The following CCDC102B variants were observed in gnomAD, a reference collection of about 807,000 sequenced individuals.
CCDC102B encodes coiled-coil domain containing 102B, also known as coiled-coil domain-containing protein 102B.
A neutral mutation model predicts 57.4 loss-of-function variants in CCDC102B; 75 were observed. That is an observed-to-expected ratio of 1.31 (90% CI 1.08 to 1.58). The LOEUF is 1.58. Ranked by LOEUF, CCDC102B falls within the 40% of genes most tolerant of loss-of-function variation. The probability of loss-of-function intolerance (pLI) is 0.00; values close to 1 mark genes in which losing one functional copy is unlikely to be tolerated. For missense variants in CCDC102B, 636 were observed against 582.6 expected (o/e 1.09, Z -0.94); for synonymous variants, 206 against 201.9 (o/e 1.02, Z -0.17).
rs879546588 is a variant in CCDC102B, at chr18:68,785,809, C to T, written c.-66-37557C>T. Among the ~76,000 whole-genome samples, 808 of 151,662 alleles carry T rather than the reference C, an allele frequency of 5.3e-3. 25 individuals are homozygous for T. The highest frequency in any genetic ancestry group is 0.041 in the Admixed American group (624 of 15,248). ...TTCACTCTGATGGTAGTTTCTTTTG[C>T]TGTGCAGAAGTTCTTTAGTTTAATT... On this transcript the variant is annotated intron_variant, in intron 2 of 3. Transcript: ENST00000578970.
chr18:68,842,920 AGAG>A (rs1311332541), intron 3 of CCDC102B, among the ~76,000 whole-genome samples: 1 of 152,178 alleles, frequency 6.6e-6, no homozygotes, highest in African/African-American at 2.4e-5. Context: ...GGCAACAGAC[AGAG>A]GAGGTTACAG....
intron 7 of CCDC102B, among the ~76,000 whole-genome samples, chr18:69,030,097 A>T (rs2052098960): frequency 6.6e-6 from 1 of 152,150 alleles, no homozygotes; most frequent in Admixed American, 6.5e-5. Flanking sequence ...TAGGTACCTC[A>T]CACTTCTTTG....
At chr18:68,835,135 A>G (rs1446501325) in intron 1 of CCDC102B, among the ~76,000 whole-genome samples, 2 of 152,116 alleles carry the variant, frequency 1.3e-5, no homozygotes, top group African/African-American at 4.8e-5. Flanking sequence ...CCTAAATTAA[A>G]CTGTTGAATA....
At chr18:68,979,512 A>G (rs567668257) in intron 6 of CCDC102B, among the ~76,000 whole-genome samples, 10 of 142,546 alleles carry the variant, frequency 7.0e-5, no homozygotes, top group Non-Finnish European at 1.2e-4. Context: ...AAGAACTCCT[A>G]AAGTAGAGTT....
At chr18:69,016,214 T>C (rs1429802950) in intron 7 of CCDC102B, among the ~76,000 whole-genome samples, 1 of 152,036 alleles carries the variant, frequency 6.6e-6, no homozygotes, top group Non-Finnish European at 1.5e-5. Context: ...TACATCCATA[T>C]TAAAATATCA....
intron 6 of CCDC102B, among the ~76,000 whole-genome samples, chr18:68,937,997 C>T (rs146895679): frequency 0.024 from 3,576 of 152,098 alleles, 62 homozygotes; most frequent in South Asian, 0.039. Context: ...TTTCTTTATC[C>T]AGTCTATCAA....
At chr18:68,920,851 G>A (rs865934962) in intron 6 of CCDC102B, among the ~76,000 whole-genome samples, 10 of 152,214 alleles carry the variant, frequency 6.6e-5, no homozygotes, top group African/African-American at 2.4e-4. Flanking sequence ...CTTTTGGCAC[G>A]TGGGAATTAT....
At chr18:68,843,543 C>A (rs2037728522) in intron 3 of CCDC102B, among the ~76,000 whole-genome samples, 1 of 151,990 alleles carries the variant, frequency 6.6e-6, no homozygotes, top group Admixed American at 6.6e-5. Flanking sequence ...AAAATCACAT[C>A]TTTTCATAAA....
intron 2 of CCDC102B, among the ~76,000 whole-genome samples, chr18:68,783,430 A>G (rs1442648663): frequency 6.6e-6 from 1 of 152,166 alleles, no homozygotes; most frequent in Non-Finnish European, 1.5e-5. Context: ...CACTTCTTCC[A>G]GCATTAGACT....
chr18:69,039,890 G>A (rs73967779), intron 7 of CCDC102B, among the ~76,000 whole-genome samples: 12 of 151,688 alleles, frequency 7.9e-5, no homozygotes, highest in African/African-American at 2.9e-4. Flanking sequence ...TATATGTTAT[G>A]TAATGTAATA....
Position 68,838,758 on chromosome 18 carries a change from A to G in CCDC102B, c.659A>G (p.Asn220Ser), listed in dbSNP as rs756438339. ...SLKLSEEMKPNLDGVDLFNNG... is the reference protein window; with the variant it reads ...SLKLSEEMKPSLDGVDLFNNG... ...AAATTAAGTGAGGAGATGAAGCCCA[A>G]TCTAGATGGTGTTGATTTATTCAAC... Residue 220 changes from asparagine to serine, a missense_variant, in exon 3 of 8, where the codon AAT becomes AGT. Physicochemically the swap from Asn to Ser is conservative, Grantham distance 46 (BLOSUM62 1). Transcript: ENST00000360242. 9.9e-6 allele frequency: 16 copies of G among 1,613,924 alleles called. No individual in the cohort carries two copies. Among genetic ancestry groups the G allele is most frequent in the Admixed American group, 6.7e-5 (4 of 60,008 alleles).
At chr18:69,010,436 A>C (rs1307517916) in intron 6 of CCDC102B, among the ~76,000 whole-genome samples, 1 of 151,954 alleles carries the variant, frequency 6.6e-6, no homozygotes, top group Non-Finnish European at 1.5e-5. Context: ...TTTACTCATG[A>C]TGGGTCCTTG....
At chr18:68,963,711 A>T (rs2050101232) in intron 6 of CCDC102B, among the ~76,000 whole-genome samples, 1 of 151,756 alleles carries the variant, frequency 6.6e-6, no homozygotes, top group Non-Finnish European at 1.5e-5. Flanking sequence ...TTCTGATGAC[A>T]CTGCAGGTTA....
chr18:69,038,533 C>G (rs1453375791), intron 7 of CCDC102B, among the ~76,000 whole-genome samples: 1 of 151,832 alleles, frequency 6.6e-6, no homozygotes, highest in Non-Finnish European at 1.5e-5. Flanking sequence ...AATATACATA[C>G]CTTCTTTAAA....
intron 7 of CCDC102B, among the ~76,000 whole-genome samples, chr18:69,032,889 A>G (rs112658645): frequency 1.1e-3 from 170 of 152,246 alleles, no homozygotes; most frequent in African/African-American, 3.7e-3. Context: ...TTAGCAGACA[A>G]GAGAAGAAAA....
chr18:68,927,465 C>T (rs997709397), intron 6 of CCDC102B, among the ~76,000 whole-genome samples: 9 of 151,852 alleles, frequency 5.9e-5, no homozygotes, highest in Non-Finnish European at 1.3e-4. Context: ...GTTTTTACCT[C>T]CCCTGTTTTC....
At chr18:68,979,444 G>T (rs1310068531) in intron 6 of CCDC102B, among the ~76,000 whole-genome samples, 3 of 151,818 alleles carry the variant, frequency 2.0e-5, no homozygotes, top group African/African-American at 7.3e-5. Context: ...TAGAAAAAAA[G>T]AATAAAAAAA....
intron 6 of CCDC102B, among the ~76,000 whole-genome samples, chr18:69,004,689 C>T (rs1290536105): frequency 6.6e-6 from 1 of 151,994 alleles, no homozygotes; most frequent in Non-Finnish European, 1.5e-5. Context: ...TGACAAATAT[C>T]CTTGATTGTT....
At chr18:69,007,279 A>G (rs2145379274) in intron 6 of CCDC102B, among the ~76,000 whole-genome samples, 1 of 152,278 alleles carries the variant, frequency 6.6e-6, no homozygotes, top group South Asian at 2.1e-4. Flanking sequence ...TTTGGCTCTA[A>G]ATATAATTGG....
Sources: gnomAD v4.1 joint callset for allele counts (sites outside exome capture counted in the v4.1 genomes callset) on GRCh38, gnomAD v4.1.1 for gene constraint, MANE v1.5 for transcripts, NCBI Gene and HGNC (gene_info 2026-07-23, HGNC 2026-07-21) for gene names.